Variants in MDFIC2 observed in about 807,000 individuals in gnomAD.
MDFIC2 encodes the protein myoD family inhibitor domain-containing protein 2.
At chr3:70,216,410 C>G in intron 2 of MDFIC2, among the ~76,000 whole-genome samples, 1 of 151,822 alleles carries the variant, frequency 6.6e-6, no homozygotes, top group East Asian at 1.9e-4. Flanking sequence ...ATACTCCCAG[C>G]AACCCTATGT....
chr3:70,236,616 G>A (rs1701611661), intron 2 of MDFIC2, among the ~76,000 whole-genome samples: 1 of 151,696 alleles, frequency 6.6e-6, no homozygotes, highest in African/African-American at 2.4e-5. Flanking sequence ...TTTTTTCTGA[G>A]ACAGGGTCTC....
intron 2 of MDFIC2, among the ~76,000 whole-genome samples, chr3:70,294,497 C>T (rs995585527): frequency 6.6e-6 from 1 of 151,986 alleles, no homozygotes; most frequent in Non-Finnish European, 1.5e-5. Flanking sequence ...AAAGAGATCC[C>T]AAAAATGACT....
chr3:70,241,910 AC>A (rs1284245341), intron 2 of MDFIC2, among the ~76,000 whole-genome samples: 12 of 152,172 alleles, frequency 7.9e-5, no homozygotes, highest in Non-Finnish European at 1.5e-5. Flanking sequence ...GAGTCCAATA[AC>A]CTGTGCTCAA....
intron 2 of MDFIC2, among the ~76,000 whole-genome samples, chr3:70,258,687 T>G (rs181547004): frequency 6.6e-6 from 1 of 152,198 alleles, no homozygotes; most frequent in Non-Finnish European, 1.5e-5. Flanking sequence ...AGTCAAAGCT[T>G]TATGTATAAG....
intron 2 of MDFIC2, among the ~76,000 whole-genome samples, chr3:70,226,901 G>A (rs1454552875): frequency 6.6e-6 from 1 of 152,028 alleles, no homozygotes; most frequent in African/African-American, 2.4e-5. Flanking sequence ...GGGACTGGTG[G>A]GAATTCTGAT....
intron 2 of MDFIC2, among the ~76,000 whole-genome samples, chr3:70,294,773 G>C (rs1353518429): frequency 6.6e-6 from 1 of 152,048 alleles, no homozygotes; most frequent in Admixed American, 6.6e-5. Context: ...GTCATTTTAG[G>C]TTAGATGTGT....
intron 2 of MDFIC2, among the ~76,000 whole-genome samples, chr3:70,227,212 A>T (rs1196597139): frequency 6.6e-6 from 1 of 152,200 alleles, no homozygotes; most frequent in African/African-American, 2.4e-5. Context: ...TTAGAAAGGA[A>T]ATAGACTGGA....
intron 2 of MDFIC2, 98 bp downstream of exon 2, chr3:70,311,788 C>A (rs1380249196): frequency 5.1e-6 from 2 of 389,064 alleles, no homozygotes; most frequent in Non-Finnish European, 9.1e-6. Context: ...ACTATTTGAA[C>A]GGTCAGGACA....
chr3:70,303,330 C>G (rs753351480), intron 2 of MDFIC2, among the ~76,000 whole-genome samples: 10 of 152,086 alleles, frequency 6.6e-5, no homozygotes, highest in Non-Finnish European at 1.5e-4. Flanking sequence ...GCTTGCTAAC[C>G]CAGGAGTCAG....
chr3:70,299,160 T>C (rs1702320700), intron 2 of MDFIC2, among the ~76,000 whole-genome samples: 2 of 152,162 alleles, frequency 1.3e-5, no homozygotes. Context: ...TGGTTACATA[T>C]ATTTTGTTAC....
chr3:70,303,831 G>A (rs951941325), intron 2 of MDFIC2, among the ~76,000 whole-genome samples: 33 of 152,136 alleles, frequency 2.2e-4, no homozygotes, highest in Non-Finnish European at 4.1e-4. Flanking sequence ...ACAGGCATGT[G>A]CCACCATGCC....
At chr3:70,255,735 G>C (rs750049567) in intron 2 of MDFIC2, among the ~76,000 whole-genome samples, 10 of 152,132 alleles carry the variant, frequency 6.6e-5, no homozygotes, top group Non-Finnish European at 1.0e-4. Flanking sequence ...AGGATTACAG[G>C]TATGATCCCC....
At chr3:70,213,054 C>T (rs1701366278) in intron 2 of MDFIC2, among the ~76,000 whole-genome samples, 1 of 152,044 alleles carries the variant, frequency 6.6e-6, no homozygotes, top group South Asian at 2.1e-4. Context: ...AGGGATTCAC[C>T]TGCCTTGGCC....
chr3:70,258,821 C>A (rs545138709), intron 2 of MDFIC2, among the ~76,000 whole-genome samples: 1 of 151,974 alleles, frequency 6.6e-6, no homozygotes, highest in African/African-American at 2.4e-5. Flanking sequence ...TAGAAGGAGG[C>A]ACACAAAAAC....
intron 2 of MDFIC2, among the ~76,000 whole-genome samples, chr3:70,262,381 C>G (rs1447792170): frequency 6.6e-6 from 1 of 152,076 alleles, no homozygotes; most frequent in Non-Finnish European, 1.5e-5. Flanking sequence ...AAAAATATAA[C>G]GGACAATAAC....
intron 3 of MDFIC2, among the ~76,000 whole-genome samples, chr3:70,197,410 C>T (rs758451165): frequency 2.0e-5 from 3 of 152,100 alleles, no homozygotes; most frequent in Admixed American, 6.6e-5. Flanking sequence ...CCTATTGATT[C>T]GACATAATCT....
chr3:70,295,714 A>G (rs1324995519), intron 2 of MDFIC2, among the ~76,000 whole-genome samples: 3 of 152,160 alleles, frequency 2.0e-5, no homozygotes, highest in Admixed American at 2.0e-4. Context: ...ACAAATAAAT[A>G]TACAAATACT....
intron 2 of MDFIC2, among the ~76,000 whole-genome samples, chr3:70,308,023 G>C (rs913745975): frequency 6.6e-6 from 1 of 152,060 alleles, no homozygotes; most frequent in East Asian, 1.9e-4. Context: ...CCCACAGTTT[G>C]CATAATGCAG....
At chr3:70,290,529 C>T (rs972192861) in intron 2 of MDFIC2, among the ~76,000 whole-genome samples, 1 of 152,312 alleles carries the variant, frequency 6.6e-6, no homozygotes, top group African/African-American at 2.4e-5. Context: ...CTGTGCCCTG[C>T]CCCCAGAGGT....
Sources: allele counts gnomAD v4.1 joint callset (sites outside exome capture counted in the v4.1 genomes callset), GRCh38; gene constraint gnomAD v4.1.1; transcripts MANE v1.5; gene names NCBI Gene and HGNC (gene_info 2026-07-23, HGNC 2026-07-21).